The following SMS variants were observed in gnomAD, a reference collection of about 807,000 sequenced individuals.
The protein encoded by SMS is spermine synthase.
SMS carries 3 observed loss-of-function variants against 33.0 expected under a neutral mutation model. The observed-to-expected ratio is 0.09, with a 90% CI of 0.04 to 0.23. SMS has a LOEUF of 0.23. Ranked by LOEUF, SMS falls within the 10% of genes least tolerant of loss-of-function variation. The pLI, the probability that SMS is intolerant of heterozygous loss-of-function variation, is 1.00. For missense variants in SMS, 117 were observed against 288.6 expected (o/e 0.41, Z 4.31); for synonymous variants, 103 against 112.2 (o/e 0.92, Z 0.52).
intron 1 of SMS, among the ~76,000 whole-genome samples, chrX:21,956,309 G>A (rs1922967092): frequency 8.9e-6 from 1 of 111,742 alleles, no homozygotes; most frequent in Non-Finnish European, 1.9e-5. Flanking sequence ...TCACGCCACT[G>A]TCTCTGTTCT....
At chrX:21,969,085 C>T (rs1923940380) in intron 2 of SMS, among the ~76,000 whole-genome samples, 1 of 111,222 alleles carries the variant, frequency 9.0e-6, no homozygotes, top group Admixed American at 9.5e-5. Flanking sequence ...TACCCACCTC[C>T]ATGATATTCC....
chrX:21,945,417 A>G (rs1922144033), intron 1 of SMS, among the ~76,000 whole-genome samples: 1 of 111,839 alleles, frequency 8.9e-6, no homozygotes, highest in Non-Finnish European at 1.9e-5. Flanking sequence ...CACAAATTCT[A>G]TAACCTTGTT....
At chrX:21,954,593 C>T (rs1479044465) in intron 1 of SMS, among the ~76,000 whole-genome samples, 1 of 111,801 alleles carries the variant, frequency 8.9e-6, no homozygotes, top group Non-Finnish European at 1.9e-5. Flanking sequence ...CCAGCACCTC[C>T]TAGGTGCTGA....
intron 1 of SMS, among the ~76,000 whole-genome samples, chrX:21,944,535 A>G (rs1417137123): frequency 9.6e-6 from 1 of 104,403 alleles, no homozygotes; most frequent in Non-Finnish European, 2.0e-5. Context: ...AAAAAAAAAA[A>G]AAAAAAAAAA....
chrX:21,951,016 A>T (rs1418755863), intron 1 of SMS, among the ~76,000 whole-genome samples: 1 of 112,286 alleles, frequency 8.9e-6, no homozygotes, highest in East Asian at 2.8e-4. Flanking sequence ...TTGAGGAATC[A>T]CCACACTGTC....
chrX:21,990,588 GGT>G (rs1288171162), intron 9 of SMS, among the ~76,000 whole-genome samples: 1 of 112,637 alleles, frequency 8.9e-6, no homozygotes, highest in African/African-American at 3.2e-5. Context: ...GTCTATTTGT[GGT>G]GTGTGTTTTC....
At chrX:21,956,066 C>T (rs1922951695) in intron 1 of SMS, among the ~76,000 whole-genome samples, 1 of 112,275 alleles carries the variant, frequency 8.9e-6, no homozygotes, top group African/African-American at 3.2e-5. Context: ...TAATTAGCAA[C>T]ACATTTAAGT....
At chrX:21,964,024 T>C (rs867523023) in intron 1 of SMS, among the ~76,000 whole-genome samples, 2 of 110,190 alleles carry the variant, frequency 1.8e-5, no homozygotes, top group Middle Eastern at 9.2e-3. Flanking sequence ...AAACACAAAC[T>C]GAACAAGGTT....
chrX:21,948,904 G>A (rs907036692), intron 1 of SMS, among the ~76,000 whole-genome samples: 1 of 112,097 alleles, frequency 8.9e-6, no homozygotes, highest in African/African-American at 3.2e-5. Flanking sequence ...CTTTTGAAAA[G>A]TCAGAAAACC....
chrX:21,949,760 C>G (rs1405974237), intron 1 of SMS, among the ~76,000 whole-genome samples: 3 of 111,525 alleles, frequency 2.7e-5, no homozygotes, highest in Non-Finnish European at 3.8e-5. Flanking sequence ...CTTTGCTGGC[C>G]TTACAGTGCA....
intron 1 of SMS, among the ~76,000 whole-genome samples, chrX:21,947,064 A>G (rs1264854139): frequency 8.9e-6 from 1 of 111,827 alleles, no homozygotes; most frequent in African/African-American, 3.3e-5. Context: ...CCTGTATTTG[A>G]GCTGCCTTCT....
chrX:21,951,404 G>C (rs1433612261), intron 1 of SMS, among the ~76,000 whole-genome samples: 1 of 112,338 alleles, frequency 8.9e-6, no homozygotes, highest in Non-Finnish European at 1.9e-5. Context: ...TCACTCTGAT[G>C]ATAGTTTCTT....
At chrX:21,976,988 A>T in intron 4 of SMS, 73 bp from the exon 5 acceptor site, 2 of 1,022,406 alleles carry the variant, frequency 2.0e-6, no homozygotes, top group South Asian at 3.8e-5. Context: ...TTTCTTTTGC[A>T]CACTCTTCAT....
intron 1 of SMS, among the ~76,000 whole-genome samples, chrX:21,941,780 G>A (rs1921800991): frequency 9.5e-6 from 1 of 105,458 alleles, no homozygotes; most frequent in South Asian, 4.5e-4. Flanking sequence ...AGCTACTCGG[G>A]AGGCTGAGGC....
At chrX:21,963,385 C>T (rs1440109952) in intron 1 of SMS, among the ~76,000 whole-genome samples, 1 of 112,224 alleles carries the variant, frequency 8.9e-6, no homozygotes, top group African/African-American at 3.2e-5. Context: ...GGCGGCCGCA[C>T]AAATGAATAG....
Position 21,980,429 on chromosome X carries a change from A to AAAAATATATATAT in SMS, c.750+1464_750+1465insAAATATATATATA, listed in dbSNP as rs1260210326. Among the ~76,000 whole-genome samples, 420 of 62,942 alleles carry AAAAATATATATAT rather than the reference A, an allele frequency of 6.7e-3. 7 individuals carry two copies. The highest frequency in any genetic ancestry group is 0.022 in the South Asian group (15 of 673). The allele number at this position is 62,942 out of a possible 115,157, so 54.7% of individuals were successfully genotyped here. On this transcript the variant is annotated intron_variant, in intron 7 of 10. Transcript: ENST00000404933. ...GAGACTGTCTCCAAAAAAAAAAAAA[A>AAAAATATATATAT]ATATATATATATATATATATATATT...
intron 2 of SMS, 124 bp downstream of exon 2, chrX:21,967,440 T>C (rs896965859): frequency 4.5e-5 from 32 of 716,128 alleles, no homozygotes; most frequent in African/African-American, 2.4e-4. Flanking sequence ...AGGATGGGAA[T>C]GGAACTTGGT....
chrX:21,961,401 CA>C (rs747992692), intron 1 of SMS, among the ~76,000 whole-genome samples: 157 of 110,432 alleles, frequency 1.4e-3, no homozygotes, highest in African/African-American at 4.6e-3. Flanking sequence ...AGGGAAGTAA[CA>C]AGCCTGATTT....
intron 9 of SMS, among the ~76,000 whole-genome samples, chrX:21,990,671 T>C (rs762105948): frequency 3.5e-5 from 4 of 112,684 alleles, no homozygotes; most frequent in Non-Finnish European, 5.6e-5. Context: ...CCACAGTCTG[T>C]GTAAGGAAGT....
Sources: allele counts gnomAD v4.1 joint callset (sites outside exome capture counted in the v4.1 genomes callset), GRCh38; gene constraint gnomAD v4.1.1; transcripts MANE v1.5; gene names NCBI Gene and HGNC (gene_info 2026-07-23, HGNC 2026-07-21).